Variants in STPG2 observed in about 807,000 individuals in gnomAD.
STPG2 encodes sperm-tail PG-rich repeat-containing protein 2.
Under a neutral mutation model 54.2 loss-of-function variants are expected in STPG2, and 56 were observed. The ratio of observed to expected loss-of-function variants is 1.03; its 90% confidence interval spans 0.83 to 1.29. The LOEUF (loss-of-function observed/expected upper bound fraction) is 1.29. Among genes scored for constraint, STPG2 ranks in the 50% most tolerant of loss-of-function variants. The probability of loss-of-function intolerance (pLI) is 0.00; values close to 1 mark genes in which losing one functional copy is unlikely to be tolerated. For missense variants in STPG2, 596 were observed against 544.9 expected, an observed-to-expected ratio of 1.09 and a Z score of -0.93; for synonymous variants, 200 against 181.8, an observed-to-expected ratio of 1.10 and a Z score of -0.81.
chr4:97,795,168 CAT>C (rs546456650), intron 9 of STPG2, among the ~76,000 whole-genome samples: 331 of 152,150 alleles, frequency 2.2e-3, no homozygotes, highest in African/African-American at 7.1e-3. Context: ...CTCCAAAACA[CAT>C]GTGTTTCTAC....
At chr4:97,491,320 G>A (rs1730498637) in intron 4 of STPG2, among the ~76,000 whole-genome samples, 1 of 151,416 alleles carries the variant, frequency 6.6e-6, no homozygotes, top group Admixed American at 6.6e-5. Context: ...TAAATTTCCA[G>A]CTTCTTCTTA....
chr4:97,940,674 C>T (rs1478465645), intron 8 of STPG2, among the ~76,000 whole-genome samples: 4 of 151,956 alleles, frequency 2.6e-5, no homozygotes, highest in African/African-American at 9.7e-5. Flanking sequence ...TTTTTTATAC[C>T]AGCTATTTCA....
At chr4:97,704,090 G>A (rs561467977) in intron 10 of STPG2, among the ~76,000 whole-genome samples, 27 of 152,050 alleles carry the variant, frequency 1.8e-4, no homozygotes, top group East Asian at 1.2e-3. Context: ...CCAGATTAAC[G>A]GTGGGTCTGC....
chr4:97,924,899 T>A (rs1732277664), intron 8 of STPG2, among the ~76,000 whole-genome samples: 1 of 152,228 alleles, frequency 6.6e-6, no homozygotes, highest in South Asian at 2.1e-4. Context: ...AACAATGACT[T>A]GTTGATACAA....
At chr4:97,814,811 C>G (rs1222682733) in intron 9 of STPG2, among the ~76,000 whole-genome samples, 1 of 152,096 alleles carries the variant, frequency 6.6e-6, no homozygotes, top group African/African-American at 2.4e-5. Flanking sequence ...GCCTCCTGCC[C>G]TTGAACATTG....
chr4:97,885,338 G>A (rs190044043), intron 8 of STPG2, among the ~76,000 whole-genome samples: 2 of 152,282 alleles, frequency 1.3e-5, no homozygotes. Context: ...TAATGCCACT[G>A]CAACTGGGCA....
intron 5 of STPG2, among the ~76,000 whole-genome samples, chr4:98,006,476 A>G (rs1735578100): frequency 6.6e-6 from 1 of 152,244 alleles, no homozygotes; most frequent in Non-Finnish European, 1.5e-5. Flanking sequence ...GGAGGAAATC[A>G]TTCTCAATCC....
chr4:97,579,190 C>A (rs1019264325), intron 10 of STPG2, among the ~76,000 whole-genome samples: 1 of 151,988 alleles, frequency 6.6e-6, no homozygotes, highest in African/African-American at 2.4e-5. Flanking sequence ...TAAATGATAT[C>A]TAAGTGTGTT....
chr4:97,933,610 T>C (rs1732632794), intron 8 of STPG2, among the ~76,000 whole-genome samples: 1 of 152,220 alleles, frequency 6.6e-6, no homozygotes, highest in Admixed American at 6.5e-5. Context: ...GCACCATTTA[T>C]TAAATAGGGA....
At chr4:97,769,333 C>T (rs1371452694) in intron 9 of STPG2, among the ~76,000 whole-genome samples, 2 of 152,158 alleles carry the variant, frequency 1.3e-5, no homozygotes, top group African/African-American at 2.4e-5. Flanking sequence ...CAATGGGCGG[C>T]TTCAATCAGC....
chr4:97,623,936 G>T (rs1024300515), intron 10 of STPG2, among the ~76,000 whole-genome samples: 6 of 152,002 alleles, frequency 3.9e-5, no homozygotes, highest in African/African-American at 1.2e-4. Flanking sequence ...ATGGCTTCCG[G>T]CTCCATCCAT....
At chr4:97,783,237 A>G (rs1578560217) in intron 9 of STPG2, among the ~76,000 whole-genome samples, 1 of 150,268 alleles carries the variant, frequency 6.7e-6, no homozygotes, top group Non-Finnish European at 1.5e-5. Context: ...TTTACAAGAA[A>G]AAACAACCGC....
At chr4:97,519,264 G>C (rs1176118187) in intron 4 of STPG2, among the ~76,000 whole-genome samples, 1 of 152,056 alleles carries the variant, frequency 6.6e-6, no homozygotes, top group Non-Finnish European at 1.5e-5. Flanking sequence ...AATCTTCAAA[G>C]ATGGTGGGAA....
intron 9 of STPG2, among the ~76,000 whole-genome samples, chr4:97,820,267 A>C (rs1423473841): frequency 6.6e-6 from 1 of 152,150 alleles, no homozygotes; most frequent in Non-Finnish European, 1.5e-5. Flanking sequence ...CACTGACCAG[A>C]CACTCTCCCA....
chr4:97,850,899 G>T (rs529534703), intron 8 of STPG2, among the ~76,000 whole-genome samples: 1 of 152,242 alleles, frequency 6.6e-6, no homozygotes, highest in African/African-American at 2.4e-5. Context: ...AATAATCTCA[G>T]TCATAATAGC....
At chr4:97,898,703 T>C (rs1403952676) in intron 8 of STPG2, among the ~76,000 whole-genome samples, 1 of 151,696 alleles carries the variant, frequency 6.6e-6, no homozygotes, top group Non-Finnish European at 1.5e-5. Flanking sequence ...ATTATTAGAT[T>C]ACAAACAACT....
rs544274796 is a variant in STPG2 at position 97,564,764 on chromosome 4, C to T, written c.1321-5647G>A. On this transcript the variant is annotated intron_variant, in intron 10 of 10. Transcript: ENST00000295268. ...TTTAAGAATGTTGAATAGTGGCCCT[C>T]ACTCTCTACTGGCTTGTAGAGTTTC... is the stretch of plus-strand genomic sequence containing the variant. Among the ~76,000 whole-genome samples the T allele has an allele frequency of 5.4e-3, 822 of 152,264 alleles. 6 individuals are homozygous for T. Among genetic ancestry groups the T allele is most frequent in the Middle Eastern group, 0.02 (6 of 294 alleles).
intron 4 of STPG2, among the ~76,000 whole-genome samples, chr4:97,442,076 G>A (rs576925561): frequency 2.0e-5 from 3 of 151,226 alleles, no homozygotes; most frequent in Non-Finnish European, 4.4e-5. Context: ...CTTCAGGTAC[G>A]TGAGACTACC....
intron 7 of STPG2, among the ~76,000 whole-genome samples, chr4:97,944,377 T>C (rs1289981622): frequency 2.0e-5 from 3 of 151,850 alleles, no homozygotes; most frequent in Non-Finnish European, 4.4e-5. Flanking sequence ...AATAAAAATA[T>C]ATTTACATTT....
Sources: gnomAD v4.1 joint callset for allele counts (sites outside exome capture counted in the v4.1 genomes callset) on GRCh38, gnomAD v4.1.1 for gene constraint, MANE v1.5 for transcripts, NCBI Gene and HGNC (gene_info 2026-07-23, HGNC 2026-07-21) for gene names.